GFI1B: variants seen among roughly 807,000 people sequenced by gnomAD.
GFI1B encodes the protein growth factor independent 1B transcriptional repressor.
In GFI1B, 20 loss-of-function variants were observed where a neutral mutation model predicts 35.3. That is an observed-to-expected ratio of 0.57 (90% CI 0.40 to 0.82). The LOEUF (loss-of-function observed/expected upper bound fraction) is 0.82, where lower values mean the gene tolerates loss of function less well. GFI1B is among the 40% of genes least tolerant of loss of function. GFI1B has a pLI of 0.00. For synonymous variants in GFI1B, 178 were observed against 177.6 expected, an observed-to-expected ratio of 1.00 and a Z score of -0.02; for missense variants, 430 against 446.3, an observed-to-expected ratio of 0.96 and a Z score of 0.33.
rs775963992 is a variant in GFI1B at position 132,990,980 on chromosome 9, T to A, written c.923T>A (p.Leu308Gln). The change falls in exon 7 of 7, where the codon CTG (leucine) becomes CAG (glutamine). Residue 308 changes from leucine (L) to glutamine (Q), a missense_variant. Coordinates refer to ENST00000372122, the MANE Select transcript of GFI1B (RefSeq NM_001377304.1). Reference protein sequence around the residue: ...HTGFKPFSCELCTKGFQRKVD... With the variant: ...HTGFKPFSCEQCTKGFQRKVD... ...GGCTTCAAGCCCTTCAGCTGTGAGC[T>A]GTGCACCAAAGGCTTCCAGCGCAAG... 6.2e-7 allele frequency: 1 copy of A among 1,614,200 alleles called. No homozygotes were observed. Among genetic ancestry groups the A allele is most frequent in the Admixed American group, 1.7e-5 (1 of 60,032 alleles).
At chr9:132,965,423 G>T (rs1475599543) in intron 1 of GFI1B, among the ~76,000 whole-genome samples, 3 of 152,210 alleles carry the variant, frequency 2.0e-5, no homozygotes, top group Non-Finnish European at 4.4e-5. Flanking sequence ...AACCGTAGTG[G>T]GTTGAATAGT....
chr9:132,964,743 C>CTTTTT (rs71376675), intron 1 of GFI1B, among the ~76,000 whole-genome samples: 3 of 107,936 alleles, frequency 2.8e-5, no homozygotes, highest in Non-Finnish European at 3.7e-5. Context: ...ATTTTTCTTC[C>CTTTTT]TTTTTTTTTT....
At chr9:132,987,203 G>A in intron 2 of GFI1B, 79 bp from the exon 3 acceptor site, 2 of 1,464,354 alleles carry the variant, frequency 1.4e-6, no homozygotes, top group Middle Eastern at 3.4e-4. Flanking sequence ...CTCCTCCTAG[G>A]AAGGGCGTGC....
At chr9:132,964,792 T>C (rs1423389904) in intron 1 of GFI1B, among the ~76,000 whole-genome samples, 1 of 133,994 alleles carries the variant, frequency 7.5e-6, no homozygotes, top group Admixed American at 9.0e-5. Context: ...CAGGCTGGAG[T>C]GCAGTGGCGT....
chr9:132,959,902 A>T (rs1300024472), intron 1 of GFI1B, among the ~76,000 whole-genome samples: 1 of 152,142 alleles, frequency 6.6e-6, no homozygotes, highest in African/African-American at 2.4e-5. Context: ...GCCCACCTCA[A>T]CCCAGTGTGA....
chr9:132,963,081 CAAAAAAAAAA>C (rs763899545), intron 1 of GFI1B, among the ~76,000 whole-genome samples: 85 of 47,972 alleles, frequency 1.8e-3, no homozygotes, highest in African/African-American at 3.7e-3. Flanking sequence ...GACTCCATCT[CAAAAAAAAAA>C]AAAAAAAAAA....
upstream of GFI1B, among the ~76,000 whole-genome samples, chr9:132,974,137 C>T (rs1848583090): frequency 6.6e-6 from 1 of 152,130 alleles, no homozygotes; most frequent in African/African-American, 2.4e-5. Context: ...GAGAGTCATT[C>T]ATTCATTCAT....
chr9:132,989,318 G>T lies in GFI1B; in HGVS notation c.648+120G>T. ...CCCTGGGGGTGACACAGATTGGGAGGGGTCCCCTAGTACCCACCTCCCTGG... is the reference window on the plus strand; with the variant it reads ...CCCTGGGGGTGACACAGATTGGGAGTGGTCCCCTAGTACCCACCTCCCTGG... On this transcript the variant is annotated intron_variant, in intron 5 of 6. Transcript: ENST00000372122. The surrounding 1 kb of genome is among the most constrained non-coding windows in gnomAD (Gnocchi z 6.2). 1.0e-6 allele frequency: 1 copy of T among 994,442 alleles called. No homozygotes were observed. Among genetic ancestry groups the T allele is most frequent in the Non-Finnish European group, 1.5e-6 (1 of 646,812 alleles). 61.6% of individuals were successfully genotyped at this position (994,442 alleles called of 1,614,324 possible). A position where few individuals can be genotyped will look rare whatever the true frequency, so the allele number is the denominator to read the frequency against.
rs769199458 is a variant in GFI1B at position 132,988,476 on chromosome 9, G to T, written c.510+8G>T. On this transcript the variant is annotated splice_region_variant and intron_variant, in intron 4 of 6. Coordinates refer to ENST00000372122, the MANE Select transcript of GFI1B (RefSeq NM_001377304.1). ...TGTGTGAAGTGCAACAAGGTGGGCAGCGGGGGGTGTGGTGGGCACCTGGGC... is the reference window on the plus strand; with the variant it reads ...TGTGTGAAGTGCAACAAGGTGGGCATCGGGGGGTGTGGTGGGCACCTGGGC... The T allele has an allele frequency of 6.2e-7, 1 of 1,612,598 alleles. No homozygotes were observed. Among genetic ancestry groups the T allele is most frequent in the Non-Finnish European group, 8.5e-7 (1 of 1,179,778 alleles).
At chr9:132,980,382 C>G (rs1290070534) in intron 1 of GFI1B, among the ~76,000 whole-genome samples, 1 of 152,220 alleles carries the variant, frequency 6.6e-6, no homozygotes, top group Admixed American at 6.5e-5. Flanking sequence ...CAAACACCAC[C>G]CCCTCTTAGT....
chr9:132,973,431 C>T (rs1848568396), intron 2 of GFI1B, among the ~76,000 whole-genome samples: 1 of 152,226 alleles, frequency 6.6e-6, no homozygotes, highest in East Asian at 1.9e-4. Flanking sequence ...TGAGGCCCGG[C>T]CCACGCCCGT....
At chr9:132,987,484 C>T (rs1452973104) in intron 3 of GFI1B, 65 bp downstream of exon 3, 1 of 1,589,892 alleles carries the variant, frequency 6.3e-7, no homozygotes, top group Non-Finnish European at 8.6e-7. Context: ...TGAAGGGACT[C>T]TTGCAGCAGG....
At chr9:132,979,664 G>A (rs1217404208) in intron 1 of GFI1B, among the ~76,000 whole-genome samples, 1 of 152,132 alleles carries the variant, frequency 6.6e-6, no homozygotes, top group East Asian at 1.9e-4. Context: ...CCATGGAGAG[G>A]TACTGTTTCA....
upstream of GFI1B, chr9:132,975,199 C>T (rs1848603166): frequency 6.6e-6 from 1 of 152,180 alleles, no homozygotes; most frequent in Non-Finnish European, 1.5e-5. Flanking sequence ...GATTTTTGTC[C>T]TAAAGGTAAA....
rs1849104186 is a variant in GFI1B, at chr9:132,987,269, T to C, written c.101-13T>C. 1 of 1,613,182 alleles carries C rather than the reference T, an allele frequency of 6.2e-7. No individual in the cohort carries two copies. ...CCGTGGCTATTGATGCTGATGGTCCTATCTCCCCACAGTGCCCAGAGACCA... is the reference window on the plus strand; with the variant it reads ...CCGTGGCTATTGATGCTGATGGTCCCATCTCCCCACAGTGCCCAGAGACCA... On this transcript the variant is annotated splice_polypyrimidine_tract_variant and intron_variant, in intron 2 of 6. Transcript: ENST00000372122.
At chr9:132,978,172 A>C (rs1013034444), upstream of GFI1B, among the ~76,000 whole-genome samples, 1 of 145,680 alleles carries the variant, frequency 6.9e-6, no homozygotes, top group Non-Finnish European at 1.5e-5. Flanking sequence ...GGGAAGAGAG[A>C]GAGAGGAGAG....
At chr9:132,949,736 G>T (rs1343088804) in intron 1 of GFI1B, 3 of 152,754 alleles carry the variant, frequency 2.0e-5, no homozygotes, top group African/African-American at 7.2e-5. Flanking sequence ...AAACCAGCAA[G>T]GAGCAGCTGT....
chr9:132,984,265 C>A (rs539785343), intron 1 of GFI1B, among the ~76,000 whole-genome samples: 2 of 152,268 alleles, frequency 1.3e-5, no homozygotes, highest in South Asian at 4.1e-4. Flanking sequence ...GTCTGGCCTC[C>A]CCATGGGCTT....
chr9:132,992,270 G>A (rs1243317877), downstream of GFI1B, among the ~76,000 whole-genome samples: 1 of 152,126 alleles, frequency 6.6e-6, no homozygotes, highest in Non-Finnish European at 1.5e-5. Context: ...CTGAGCTCAG[G>A]TATAAATCAT....
Sources: gnomAD v4.1 joint callset for allele counts (sites outside exome capture counted in the v4.1 genomes callset) on GRCh38, gnomAD v4.1.1 for gene constraint, Gnocchi (gnomAD v3.1) non-coding constraint, MANE v1.5 for transcripts, NCBI Gene and HGNC (gene_info 2026-07-23, HGNC 2026-07-21) for gene names.